EXOG: variants seen among roughly 807,000 people sequenced by gnomAD.
The protein encoded by EXOG is nuclease EXOG, mitochondrial.
Under a neutral mutation model 25.8 loss-of-function variants are expected in EXOG, and 27 were observed. That is an observed-to-expected ratio of 1.05 (90% CI 0.77 to 1.45). EXOG has a LOEUF of 1.45. Ranked by LOEUF, EXOG falls within the 40% of genes most tolerant of loss-of-function variation. The pLI, the probability that EXOG is intolerant of heterozygous loss-of-function variation, is 0.00. For missense variants in EXOG, 458 were observed against 450.5 expected (o/e 1.02, Z -0.15); for synonymous variants, 133 against 167.0 (o/e 0.80, Z 1.57).
chr3:38,498,853 A>C (rs1210963565), intron 2 of EXOG: 1 of 449,968 alleles, frequency 2.2e-6, no homozygotes, highest in African/African-American at 2.0e-5. Flanking sequence ...CAGTTTATTC[A>C]TGTGTCCTTA....
chr3:38,496,524 C>T lies in EXOG; in HGVS notation c.157C>T (p.Pro53Ser). The change falls in exon 1 of 6, where the codon CCG becomes TCG. Residue 53 changes from proline to serine, a missense_variant. Pro to Ser is a moderately conservative substitution (Grantham distance 74). This residue lies in a region of EXOG where 275 missense variants were observed against 230.5 expected (regional missense o/e 1.19). Transcript: ENST00000287675. ...GAEGALTGKQ[P>S]DGSAEKAVLE... ...TGAGGGAGCGTTGACAGGGAAGCAG[C>T]CGGATGGTAAGTCTGTGGGCCCGTC... 1 of 1,611,248 alleles carries T rather than the reference C, an allele frequency of 6.2e-7. No homozygotes were observed. Among genetic ancestry groups the T allele is most frequent in the Non-Finnish European group, 8.5e-7 (1 of 1,179,562 alleles).
intron 5 of EXOG, among the ~76,000 whole-genome samples, chr3:38,518,833 A>G (rs2060624391): frequency 6.6e-6 from 1 of 152,234 alleles, no homozygotes; most frequent in South Asian, 2.1e-4. Context: ...TATAGACAAG[A>G]AAATCAAGGC....
intron 5 of EXOG, among the ~76,000 whole-genome samples, chr3:38,516,413 G>A (rs1179123208): frequency 6.6e-6 from 1 of 152,038 alleles, no homozygotes. Context: ...AAGGTTATAA[G>A]AACAATAAAA....
chr3:38,523,645 G>A (rs2060792140), intron 5 of EXOG, among the ~76,000 whole-genome samples: 2 of 152,164 alleles, frequency 1.3e-5, no homozygotes, highest in Admixed American at 6.5e-5. Context: ...TGGGATTACA[G>A]GTATGAGCCA....
chr3:38,500,970 A>AT (rs1443944988), intron 2 of EXOG, among the ~76,000 whole-genome samples: 2 of 152,222 alleles, frequency 1.3e-5, no homozygotes, highest in African/African-American at 4.8e-5. Context: ...GTCAAATACA[A>AT]TCGTACAAAA....
At chr3:38,522,952 T>C (rs180903057) in intron 5 of EXOG, among the ~76,000 whole-genome samples, 3 of 152,248 alleles carry the variant, frequency 2.0e-5, no homozygotes, top group Admixed American at 6.5e-5. Flanking sequence ...AAATGTTTGA[T>C]ATGACAACAT....
chr3:38,512,028 A>T (rs1224211821), intron 5 of EXOG, among the ~76,000 whole-genome samples: 2 of 152,348 alleles, frequency 1.3e-5, no homozygotes, highest in Admixed American at 1.3e-4. Context: ...TTATCTACAG[A>T]AGCCCAAAAG....
intron 5 of EXOG, among the ~76,000 whole-genome samples, chr3:38,512,190 G>T (rs1323407133): frequency 6.6e-6 from 1 of 151,946 alleles, no homozygotes; most frequent in Non-Finnish European, 1.5e-5. Context: ...TTCGCTCATG[G>T]CATTAAAGTC....
intron 5 of EXOG, among the ~76,000 whole-genome samples, chr3:38,517,035 C>T (rs1172231077): frequency 6.6e-6 from 1 of 152,106 alleles, no homozygotes; most frequent in Non-Finnish European, 1.5e-5. Context: ...TCACCATTTC[C>T]CCCTTTGGAA....
chr3:38,521,693 C>T (rs569492479), intron 5 of EXOG, among the ~76,000 whole-genome samples: 11 of 152,290 alleles, frequency 7.2e-5, no homozygotes, highest in African/African-American at 2.6e-4. Context: ...TGCATCTGTG[C>T]CCTCAGTTCT....
rs1233526161 is a variant in EXOG, at chr3:38,512,480, AAC to A, written c.645+5514_645+5515del. On this transcript the variant is annotated intron_variant, in intron 5 of 5. Transcript: ENST00000287675. ...TTTAACTTGTGACCTGTCGCTTATT[AAC>A]AGTTACTTTATCTCTATAAAATTAT... Among the ~76,000 whole-genome samples, 3 of 152,324 alleles carry A rather than the reference AAC, an allele frequency of 2.0e-5. No homozygotes were observed. In the East Asian group the frequency reaches 5.8e-4, roughly 29 times the overall value.
intron 5 of EXOG, among the ~76,000 whole-genome samples, chr3:38,521,136 C>T (rs374271613): frequency 3.3e-5 from 5 of 152,180 alleles, no homozygotes; most frequent in African/African-American, 1.2e-4. Flanking sequence ...ATGTTTGCTT[C>T]CTAAGAACAA....
chr3:38,510,917 A>C (rs1189143081), intron 5 of EXOG, among the ~76,000 whole-genome samples: 5 of 152,062 alleles, frequency 3.3e-5, no homozygotes, highest in Non-Finnish European at 7.4e-5. Context: ...TATTTTAAAG[A>C]CTTGCTGGTC....
rs2060835942 is a variant in EXOG at position 38,524,935 on chromosome 3, A to G, written c.*573A>G. 2.0e-6 allele frequency: 2 copies of G among 985,300 alleles called. No homozygotes were observed. Among genetic ancestry groups the G allele is most frequent in the African/African-American group, 1.7e-5 (1 of 57,186 alleles). 61.0% of individuals were successfully genotyped at this position (985,300 alleles called of 1,614,324 possible). ...GCCTTCTCAGAACTCAATGTTGTAC[A>G]TTTTTCCCTCTAGGACCTGAATTGG... On this transcript the variant is annotated 3_prime_UTR_variant, in exon 6 of 6. Coordinates refer to ENST00000287675, the MANE Select transcript of EXOG (RefSeq NM_005107.4).
intron 5 of EXOG, among the ~76,000 whole-genome samples, chr3:38,510,325 A>G (rs2060329312): frequency 6.6e-6 from 1 of 152,186 alleles, no homozygotes; most frequent in Non-Finnish European, 1.5e-5. Context: ...CTAGACCAGA[A>G]AAAAGTTGCT....
intron 2 of EXOG, chr3:38,499,764 C>A: frequency 4.8e-6 from 2 of 418,384 alleles, no homozygotes; most frequent in South Asian, 1.7e-5. Context: ...GCCACTATGC[C>A]CAACTAAAAG....
intron 5 of EXOG, among the ~76,000 whole-genome samples, chr3:38,518,310 G>A (rs2060608471): frequency 6.6e-6 from 1 of 152,120 alleles, no homozygotes; most frequent in African/African-American, 2.4e-5. Flanking sequence ...AAAAGTTTAG[G>A]CAAGAACTTC....
chr3:38,505,520 CAAA>C (rs2060177204), intron 4 of EXOG: 1 of 152,002 alleles, frequency 6.6e-6, no homozygotes, highest in South Asian at 2.1e-4. Context: ...AGAGAAGGAA[CAAA>C]GAAGTATGTA....
At position 38,524,261 on chromosome 3, in the gene EXOG, G is replaced by A; in HGVS notation, c.1006G>A (p.Glu336Lys). ...EKIMENLKNA[E>K]IEPDDYFMSR... ...GATCATGGAAAACTTGAAGAATGCA[G>A]AGATTGAACCAGATGATTACTTTAT... The change falls in exon 6 of 6, where the codon GAG (glutamate) becomes AAG (lysine). Residue 336 changes from glutamate (E) to lysine (K), a missense_variant. Glu to Lys is a moderately conservative substitution (Grantham distance 56). Around this residue, in one of 3 missense-constraint regions of EXOG, gnomAD observed 178 missense variants for 203.7 expected, o/e 0.87. Coordinates refer to ENST00000287675, the MANE Select transcript of EXOG (RefSeq NM_005107.4). The A allele has an allele frequency of 6.2e-7, 1 of 1,614,182 alleles. No homozygotes were observed. The highest frequency in any genetic ancestry group is 8.5e-7 in the Non-Finnish European group (1 of 1,180,012).
Sources: gnomAD v4.1 joint callset for allele counts (sites outside exome capture counted in the v4.1 genomes callset) on GRCh38, gnomAD v4.1.1 for gene constraint, gnomAD v4.1.1 regional missense constraint, MANE v1.5 for transcripts, NCBI Gene and HGNC (gene_info 2026-07-23, HGNC 2026-07-21) for gene names.